RASSF3: variants seen among roughly 807,000 people sequenced by gnomAD.
RASSF3 encodes Ras association domain family member 3, also known as ras association domain-containing protein 3.
In RASSF3, 19 loss-of-function variants were observed where a neutral mutation model predicts 19.9. That is an observed-to-expected ratio of 0.96 (90% CI 0.67 to 1.40). RASSF3 has a LOEUF of 1.40. Among genes scored for constraint, RASSF3 ranks in the 40% most tolerant of loss-of-function variants. The pLI is 0.00. For missense variants in RASSF3, 306 were observed against 289.8 expected (o/e 1.06, Z -0.41); for synonymous variants, 110 against 104.2 (o/e 1.06, Z -0.34).
chr12:64,561,836 G>A (rs1259504579), intron 2 of RASSF3, among the ~76,000 whole-genome samples: 1 of 150,964 alleles, frequency 6.6e-6, no homozygotes, highest in Admixed American at 6.6e-5. Context: ...GGGATTACAG[G>A]CGAGCCCAAC....
chr12:64,570,838 G>T (rs938681056), intron 2 of RASSF3, among the ~76,000 whole-genome samples: 3 of 152,174 alleles, frequency 2.0e-5, no homozygotes, highest in African/African-American at 4.8e-5. Context: ...TCCGTGAAGT[G>T]TCCTACCCTG....
intron 2 of RASSF3, among the ~76,000 whole-genome samples, chr12:64,598,262 T>G (rs552404987): frequency 1.6e-4 from 25 of 152,340 alleles, no homozygotes; most frequent in Admixed American, 5.2e-4. Flanking sequence ...GGCTTATATT[T>G]TGACACATTC....
intron 1 of RASSF3, among the ~76,000 whole-genome samples, chr12:64,678,472 C>G (rs1318442713): frequency 3.3e-5 from 5 of 152,128 alleles, no homozygotes; most frequent in African/African-American, 1.2e-4. Context: ...GCTCTGGGAC[C>G]TCCTAGTGGC....
chr12:64,650,322 C>T (rs1004221165), intron 1 of RASSF3, among the ~76,000 whole-genome samples: 1 of 151,690 alleles, frequency 6.6e-6, no homozygotes, highest in Non-Finnish European at 1.5e-5. Flanking sequence ...AGGACCTTGA[C>T]AGGTCCTTGA....
chr12:64,684,592 C>G (rs890733658), intron 1 of RASSF3, among the ~76,000 whole-genome samples, 195 bp from the exon 2 acceptor site: 2 of 151,980 alleles, frequency 1.3e-5, no homozygotes, highest in African/African-American at 4.8e-5. Context: ...CCACCATGCC[C>G]AGCTAATTTC....
At chr12:64,531,388 T>A (rs1009017578), upstream of RASSF3, among the ~76,000 whole-genome samples, 3 of 152,214 alleles carry the variant, frequency 2.0e-5, no homozygotes, top group Non-Finnish European at 4.4e-5. Flanking sequence ...ATTTCTGAAC[T>A]CTCTAGTCTA....
At chr12:64,633,162 A>G (rs1871220702) in intron 1 of RASSF3, among the ~76,000 whole-genome samples, 2 of 152,174 alleles carry the variant, frequency 1.3e-5, no homozygotes, top group East Asian at 3.9e-4. Flanking sequence ...CTAGCTGGTT[A>G]TGTTTTTGAA....
At chr12:64,663,949 T>A (rs1363075992) in intron 1 of RASSF3, among the ~76,000 whole-genome samples, 1 of 145,072 alleles carries the variant, frequency 6.9e-6, no homozygotes, top group Non-Finnish European at 1.5e-5. Flanking sequence ...AAATATAGAA[T>A]ATCTCCAAAT....
chr12:64,676,223 A>T (rs1330130383), intron 1 of RASSF3, among the ~76,000 whole-genome samples: 1 of 127,336 alleles, frequency 7.9e-6, no homozygotes, highest in Non-Finnish European at 1.6e-5. Flanking sequence ...CCCAGGCTGG[A>T]GTGCAGTGGT....
At chr12:64,514,929 AT>A (rs966214992) in intron 1 of RASSF3, among the ~76,000 whole-genome samples, 45 of 151,720 alleles carry the variant, frequency 3.0e-4, no homozygotes, top group Admixed American at 1.1e-3. Flanking sequence ...TAGTTATTGT[AT>A]TTTTTTTAAA....
chr12:64,580,575 AACACACACACACACAC>A (rs201737911), intron 2 of RASSF3, among the ~76,000 whole-genome samples: 4 of 141,310 alleles, frequency 2.8e-5, no homozygotes, highest in African/African-American at 8.0e-5. Context: ...TTTTTAGGAA[AACACACACACACACAC>A]ACACACACAC....
intron 1 of RASSF3, among the ~76,000 whole-genome samples, chr12:64,614,705 T>C (rs940851553): frequency 1.3e-5 from 2 of 150,950 alleles, no homozygotes; most frequent in Non-Finnish European, 3.0e-5. Context: ...TTTTCTTTTT[T>C]TTTTTTTTTT....
Position 64,524,970 on chromosome 12 carries a change from C to T in RASSF3, c.170-16611C>T, listed in dbSNP as rs188949614. 7.0e-3 allele frequency among the ~76,000 whole-genome samples: 1,067 copies of T among 152,268 alleles called. 13 individuals are homozygous for T. Among genetic ancestry groups the T allele is most frequent in the Non-Finnish European group, 0.011 (761 of 68,020 alleles). On this transcript the variant is annotated intron_variant, in intron 1 of 5. Coordinates refer to the RASSF3 transcript ENST00000637125. ...TCATTTGCTCATCAAACTTGCTCTA[C>T]AGCTCTTTGAAAATATTTGTAGTGG...
intron 1 of RASSF3, among the ~76,000 whole-genome samples, chr12:64,509,109 C>T (rs1042463899): frequency 1.3e-5 from 2 of 151,918 alleles, no homozygotes; most frequent in African/African-American, 4.8e-5. Context: ...GTTAGAGCCC[C>T]AAAAGAACTT....
In RASSF3 at chr12:64,696,102, C is replaced by CCTCA. The variant is rs1198879357; in HGVS notation, c.*1193_*1194insACTC. On this transcript the variant is annotated 3_prime_UTR_variant, in exon 5 of 5. Transcript: ENST00000542104. The stretch of plus-strand genomic sequence containing the variant: ...TGTTCTTTTCCTCCCTCCCTCCCTC[C>CCTCA]CTCCCTCCCTCCCTCCCTCCTTCCC... The CCTCA allele has an allele frequency of 1.6e-5, 2 of 127,122 alleles. No individual in the cohort carries two copies. The highest frequency in any genetic ancestry group is 3.1e-5 in the African/African-American group (1 of 32,568). 7.9% of individuals were successfully genotyped at this position (127,122 alleles called of 1,614,324 possible).
At chr12:64,539,318 T>C (rs1055148865) in intron 1 of RASSF3, among the ~76,000 whole-genome samples, 8 of 152,156 alleles carry the variant, frequency 5.3e-5, no homozygotes, top group African/African-American at 1.9e-4. Flanking sequence ...GGCCCTACCC[T>C]GATGGCCTCA....
At chr12:64,583,603 C>G (rs572804490) in intron 2 of RASSF3, among the ~76,000 whole-genome samples, 10 of 152,318 alleles carry the variant, frequency 6.6e-5, no homozygotes, top group African/African-American at 2.4e-4. Flanking sequence ...GCCTGGATGA[C>G]AGAGTGAGAC....
intron 2 of RASSF3, among the ~76,000 whole-genome samples, chr12:64,562,016 TATTTA>T (rs1326359058): frequency 1.8e-4 from 24 of 131,578 alleles, no homozygotes; most frequent in Admixed American, 1.3e-3. Flanking sequence ...TTTATTTATT[TATTTA>T]TTTTTGTTTG....
At chr12:64,543,421 G>GCTCCCCTCCCGCCCCCCC (rs1565836074), downstream of RASSF3, among the ~76,000 whole-genome samples, 1 of 55,880 alleles carries the variant, frequency 1.8e-5, no homozygotes. Flanking sequence ...CCCGCCCCCC[G>GCTCCCCTCCCGCCCCCCC]GCTCCCCGCC....
Sources: allele counts gnomAD v4.1 joint callset (sites outside exome capture counted in the v4.1 genomes callset), GRCh38; gene constraint gnomAD v4.1.1; transcripts MANE v1.5; gene names NCBI Gene and HGNC (gene_info 2026-07-23, HGNC 2026-07-21).